Variants in LPP observed in about 807,000 individuals in gnomAD.
The protein encoded by LPP is LIM domain containing preferred translocation partner in lipoma.
LPP carries 38 observed loss-of-function variants against 60.4 expected under a neutral mutation model. The ratio of observed to expected loss-of-function variants is 0.63; its 90% CI spans 0.49 to 0.83. The LOEUF (loss-of-function observed/expected upper bound fraction) is 0.83, where lower values mean the gene tolerates loss of function less well. LPP is among the 40% of genes least tolerant of loss of function. The pLI, the probability that LPP is intolerant of heterozygous loss-of-function variation, is 0.00. For missense variants in LPP, 902 were observed against 783.6 expected, an observed-to-expected ratio of 1.15 and a Z score of -1.80; for synonymous variants, 328 against 290.8, an observed-to-expected ratio of 1.13 and a Z score of -1.30.
chr3:188,168,044 T>C (rs1577077729), intron 1 of LPP, among the ~76,000 whole-genome samples: 1 of 152,262 alleles, frequency 6.6e-6, no homozygotes, highest in Admixed American at 6.5e-5. Flanking sequence ...TAGTCTGGGC[T>C]GAAGACGCTT....
At chr3:188,851,271 T>C (rs931363273) in intron 9 of LPP, among the ~76,000 whole-genome samples, 1 of 152,200 alleles carries the variant, frequency 6.6e-6, no homozygotes, top group African/African-American at 2.4e-5. Flanking sequence ...TTTTTAACTA[T>C]TTTTTTGTAT....
chr3:188,856,383 A>G (rs952198952), intron 9 of LPP, among the ~76,000 whole-genome samples: 4 of 152,204 alleles, frequency 2.6e-5, no homozygotes, highest in Non-Finnish European at 5.9e-5. Context: ...ACTTGTGTAT[A>G]TATTTTATAC....
Position 188,760,247 on chromosome 3 carries a change from G to C in LPP, c.1375G>C (p.Val459Leu). The C allele has an allele frequency of 1.2e-6, 2 of 1,614,168 alleles. No homozygotes were observed. Among genetic ancestry groups the C allele is most frequent in the Non-Finnish European group, 1.7e-6 (2 of 1,180,020 alleles). The change falls in exon 9 of 12, where the codon GTG (valine) becomes CTG (leucine). Residue 459 changes from valine (V) to leucine (L), a missense_variant. Coordinates refer to ENST00000617246, the MANE Select transcript of LPP (RefSeq NM_001375462.1). The part of the protein sequence containing the change: ...NKLRGQPFYA[V>L]EKKAYCEPCY... ...GCTCCGAGGGCAGCCATTCTATGCT[G>C]TGGAAAAGAAAGCATACTGCGAGCC...
At chr3:188,613,924 T>TTTATTTATTTATTTAG (rs1448985585) in intron 7 of LPP, among the ~76,000 whole-genome samples, 4 of 150,106 alleles carry the variant, frequency 2.7e-5, no homozygotes, top group African/African-American at 9.8e-5. Context: ...TATTTATTTA[T>TTTATTTATTTATTTAG]TTATTTATTT....
At chr3:188,810,294 C>T (rs561212308) in intron 9 of LPP, among the ~76,000 whole-genome samples, 1 of 152,158 alleles carries the variant, frequency 6.6e-6, no homozygotes, top group African/African-American at 2.4e-5. Context: ...CCTGTCTCTC[C>T]TCAGAGGCAT....
At chr3:188,695,798 A>G (rs1863119006) in intron 7 of LPP, among the ~76,000 whole-genome samples, 1 of 152,236 alleles carries the variant, frequency 6.6e-6, no homozygotes, top group African/African-American at 2.4e-5. Flanking sequence ...TTCTGGTCTA[A>G]TTAGCACCAT....
In LPP at chr3:188,625,823, A is replaced by G. The variant is rs140608290; in HGVS notation, c.1113+15979A>G. ...GACTCCATAGATGATAAGGTTGCACATATTTCAGAAGCCAAATAAATGTTG... is the reference window on the plus strand; with the variant it reads ...GACTCCATAGATGATAAGGTTGCACGTATTTCAGAAGCCAAATAAATGTTG... On this transcript the variant is annotated intron_variant, in intron 7 of 11. Transcript: ENST00000617246. 2.1e-3 allele frequency among the ~76,000 whole-genome samples: 314 copies of G among 152,316 alleles called. 1 individual carries two copies. The highest frequency in any genetic ancestry group is 3.9e-3 in the Admixed American group (60 of 15,296).
intron 3 of LPP, among the ~76,000 whole-genome samples, chr3:188,359,132 C>T (rs1261740647): frequency 6.6e-6 from 1 of 152,168 alleles, no homozygotes; most frequent in Non-Finnish European, 1.5e-5. Flanking sequence ...GTAAACTTTC[C>T]AACAAGTTGT....
chr3:188,285,273 T>C (rs1157113944), intron 2 of LPP, among the ~76,000 whole-genome samples: 1 of 152,208 alleles, frequency 6.6e-6, no homozygotes, highest in African/African-American at 2.4e-5. Context: ...TGTTTCTATA[T>C]ATGTGAAGCG....
chr3:188,460,082 A>G (rs888946935), intron 4 of LPP, among the ~76,000 whole-genome samples: 1 of 152,210 alleles, frequency 6.6e-6, no homozygotes, highest in African/African-American at 2.4e-5. Context: ...AGTTTTGTCC[A>G]CCTTATGACA....
intron 5 of LPP, among the ~76,000 whole-genome samples, chr3:188,496,131 T>C (rs1265107446): frequency 7.5e-6 from 1 of 132,950 alleles, no homozygotes; most frequent in African/African-American, 3.0e-5. Flanking sequence ...AATTGACGTC[T>C]TTTTTTTTTG....
intron 2 of LPP, among the ~76,000 whole-genome samples, chr3:188,284,868 A>T (rs926315723): frequency 2.6e-5 from 4 of 152,166 alleles, no homozygotes; most frequent in Non-Finnish European, 5.9e-5. Flanking sequence ...GTTTGATAGC[A>T]TCACCTCCTC....
intron 4 of LPP, among the ~76,000 whole-genome samples, chr3:188,409,770 C>G (rs963363709): frequency 6.6e-6 from 1 of 152,160 alleles, no homozygotes; most frequent in Non-Finnish European, 1.5e-5. Context: ...AAGTTGACCT[C>G]CACGAAGCTC....
intron 3 of LPP, among the ~76,000 whole-genome samples, chr3:188,375,334 T>A (rs983695421): frequency 6.6e-6 from 1 of 152,226 alleles, no homozygotes; most frequent in Non-Finnish European, 1.5e-5. Flanking sequence ...ATCCATCTGG[T>A]CCTGAACTTT....
chr3:188,839,031 A>C (rs1759228139), intron 9 of LPP, among the ~76,000 whole-genome samples: 1 of 152,178 alleles, frequency 6.6e-6, no homozygotes. Context: ...ATTTTTTAAA[A>C]TAAGAAGAAG....
At chr3:188,722,901 A>T (rs1717010830) in intron 8 of LPP, among the ~76,000 whole-genome samples, 1 of 152,210 alleles carries the variant, frequency 6.6e-6, no homozygotes, top group Admixed American at 6.5e-5. Context: ...ATTAGTGTGT[A>T]ATAATCATTC....
chr3:188,305,924 G>A (rs565775903), intron 2 of LPP, among the ~76,000 whole-genome samples: 2 of 152,114 alleles, frequency 1.3e-5, no homozygotes, highest in African/African-American at 2.4e-5. Context: ...TCGTTGGTGC[G>A]GGGAGCATAG....
At chr3:188,485,414 G>A (rs1806074554) in intron 5 of LPP, among the ~76,000 whole-genome samples, 1 of 152,108 alleles carries the variant, frequency 6.6e-6, no homozygotes, top group South Asian at 2.1e-4. Flanking sequence ...TATTGTTATA[G>A]TTTTAGGTGT....
At chr3:188,603,864 G>T (rs573930383) in intron 6 of LPP, among the ~76,000 whole-genome samples, 2 of 152,116 alleles carry the variant, frequency 1.3e-5, no homozygotes, top group Non-Finnish European at 2.9e-5. Context: ...TTGGCCATAT[G>T]AAAATATCAT....
Sources: allele counts gnomAD v4.1 joint callset (sites outside exome capture counted in the v4.1 genomes callset), GRCh38; gene constraint gnomAD v4.1.1; transcripts MANE v1.5; gene names NCBI Gene and HGNC (gene_info 2026-07-23, HGNC 2026-07-21).